Variants in RIPOR1 observed in about 807,000 individuals in gnomAD.
The protein encoded by RIPOR1 is rho family-interacting cell polarization regulator 1.
Under a neutral mutation model 116.5 loss-of-function variants are expected in RIPOR1, and 58 were observed. That is an observed-to-expected ratio of 0.50 (90% CI 0.40 to 0.62). The LOEUF (loss-of-function observed/expected upper bound fraction) is 0.62. RIPOR1 is among the 20% of genes least tolerant of loss of function. The probability of loss-of-function intolerance (pLI) is 0.00; values close to 1 mark genes in which losing one functional copy is unlikely to be tolerated. For synonymous variants in RIPOR1, 605 were observed against 650.0 expected (o/e 0.93, Z 1.05); for missense variants, 1,372 against 1,586.2 (o/e 0.86, Z 2.29).
At chr16:67,532,248 T>C (rs2050681135) in intron 1 of RIPOR1, among the ~76,000 whole-genome samples, 1 of 151,954 alleles carries the variant, frequency 6.6e-6, no homozygotes, top group Non-Finnish European at 1.5e-5. Flanking sequence ...GTGTTCACAG[T>C]TAGATGTTAG....
upstream of RIPOR1, chr16:67,528,732 G>C (rs1444188024): frequency 6.6e-6 from 1 of 151,928 alleles, no homozygotes; most frequent in Non-Finnish European, 1.5e-5. Context: ...GGCGCCTCTA[G>C]GGGTGCGGGA....
Position 67,539,125 on chromosome 16 carries a change from G to C in RIPOR1, c.336+57G>C. ...CTCTTTGGTGTGGAGGGCTGGGCAAGGGCAGCCCTGGGTGATATCTGGGCT... is the reference window on the plus strand; with the variant it reads ...CTCTTTGGTGTGGAGGGCTGGGCAACGGCAGCCCTGGGTGATATCTGGGCT... On this transcript the variant is annotated intron_variant, in intron 4 of 21. Coordinates refer to ENST00000042381, the MANE Select transcript of RIPOR1 (RefSeq NM_024519.4). 3 of 1,434,862 alleles carry C rather than the reference G, an allele frequency of 2.1e-6. No individual in the cohort carries two copies. In the South Asian group the frequency reaches 3.6e-5, roughly 17 times the overall value. 88.9% of individuals were successfully genotyped at this position (1,434,862 alleles called of 1,614,324 possible).
Position 67,539,084 on chromosome 16 carries a change from T to A in RIPOR1, c.336+16T>A, listed in dbSNP as rs1016396863. The A allele has an allele frequency of 6.2e-7, 1 of 1,608,320 alleles. No individual in the cohort carries two copies. The highest frequency in any genetic ancestry group is 8.5e-7 in the Non-Finnish European group (1 of 1,177,668). On this transcript the variant is annotated intron_variant, in intron 4 of 21. Transcript: ENST00000042381. ...TTCCCGCTTGGTGAGTGGCGGGAGG[T>A]ACGGATGCCCTTTGCCTCTTTGGTG...
rs958914124 is a variant in RIPOR1 at position 67,541,050 on chromosome 16, A to G, written c.801+346A>G. On this transcript the variant is annotated intron_variant, in intron 10 of 21. Transcript: ENST00000042381. This position sits in a 1 kb window ranked among gnomAD's most constrained non-coding sequence, Gnocchi z 4.6. ...GGCTGCTTCAAGCATCCATGGCTCC[A>G]TGAGCATGCATGTGTCTGTCTATCT... 2.0e-5 allele frequency among the ~76,000 whole-genome samples: 3 copies of G among 151,726 alleles called. No individual in the cohort carries two copies. The highest frequency in any genetic ancestry group is 7.3e-5 in the African/African-American group (3 of 41,294).
chr16:67,533,288 A>G (rs1467416180), intron 1 of RIPOR1, among the ~76,000 whole-genome samples: 1 of 152,178 alleles, frequency 6.6e-6, no homozygotes, highest in Non-Finnish European at 1.5e-5. Flanking sequence ...GCAAGCAGGC[A>G]GTTGGATACA....
chr16:67,536,688 C>G (rs918410309), intron 1 of RIPOR1, among the ~76,000 whole-genome samples: 4 of 152,058 alleles, frequency 2.6e-5, no homozygotes, highest in Non-Finnish European at 1.5e-5. Context: ...CATCCAGTTC[C>G]TTCTCTGCAT....
chr16:67,529,442 A>T lies in RIPOR1; in HGVS notation c.-24+528A>T. On this transcript the variant is annotated intron_variant, in intron 1 of 21. Transcript: ENST00000042381. This position sits in a 1 kb window ranked among gnomAD's most constrained non-coding sequence, Gnocchi z 4.1. ...GGCTGGAGCCGGGCTCTCCGCCCAA[A>T]CCTGGCGTAGCCGAAGCCGGAGAGG... is the stretch of plus-strand genomic sequence containing the variant. 3.7e-6 allele frequency: 1 copy of T among 267,440 alleles called. No homozygotes were observed. The highest frequency in any genetic ancestry group is 7.2e-6 in the Non-Finnish European group (1 of 139,738). 16.6% of individuals were successfully genotyped at this position (267,440 alleles called of 1,614,324 possible).
At position 67,543,793 on chromosome 16, in the gene RIPOR1, T is replaced by C. The variant is rs915782055; in HGVS notation, c.2600+324T>C. 3 of 445,472 alleles carry C rather than the reference T, an allele frequency of 6.7e-6. No homozygotes were observed. Among genetic ancestry groups the C allele is most frequent in the Non-Finnish European group, 1.2e-5 (3 of 240,802 alleles). The allele number at this position is 445,472 out of a possible 1,614,324, so 27.6% of individuals were successfully genotyped here. ...CCTCCTCTTCCCCTTGGCCTCACCT[T>C]GGACCTGCCCTTTAAGGAGCTCTCT... On this transcript the variant is annotated intron_variant, in intron 14 of 21. Coordinates refer to ENST00000042381, the MANE Select transcript of RIPOR1 (RefSeq NM_024519.4). This position sits in a 1 kb window ranked among gnomAD's most constrained non-coding sequence, Gnocchi z 4.7.
At chr16:67,522,059 C>T (rs572028975) in intron 1 of RIPOR1, among the ~76,000 whole-genome samples, 135 of 151,992 alleles carry the variant, frequency 8.9e-4, no homozygotes, top group African/African-American at 3.1e-3. Flanking sequence ...GACAGAGTCT[C>T]GCTCTGTCGC....
At position 67,530,909 on chromosome 16, in the gene RIPOR1, C is replaced by T. The variant is rs943418804; in HGVS notation, c.-24+1995C>T. On this transcript the variant is annotated intron_variant, in intron 1 of 21. Transcript: ENST00000042381. This position sits in a 1 kb window ranked among gnomAD's most constrained non-coding sequence, Gnocchi z 4.5. ...CCCTTCTGCCTTAGCTCAAGGGGTT[C>T]AGCTCTTTCCCTACCTGCTCTCACC... 2.6e-5 allele frequency among the ~76,000 whole-genome samples: 4 copies of T among 151,754 alleles called. No homozygotes were observed. Among genetic ancestry groups the T allele is most frequent in the African/African-American group, 7.3e-5 (3 of 41,294 alleles).
At chr16:67,538,969 T>G (rs770201656) in intron 3 of RIPOR1, 21 bp from the exon 4 acceptor site, 1 of 1,613,504 alleles carries the variant, frequency 6.2e-7, no homozygotes, top group South Asian at 1.1e-5. Flanking sequence ...AGTTCATTCT[T>G]GTGGTCGCCC....
chr16:67,529,163 C>T lies in RIPOR1; in HGVS notation c.-24+249C>T, dbSNP rs960283743. Reference sequence around the variant, plus strand: ...GCCTGGCGCTGCTGCCTTCCTCCCACGGCAAGGCCCTGGCGGCCGGTGCCC... The same window carrying T: ...GCCTGGCGCTGCTGCCTTCCTCCCATGGCAAGGCCCTGGCGGCCGGTGCCC... On this transcript the variant is annotated intron_variant, in intron 1 of 21. Coordinates refer to ENST00000042381, the MANE Select transcript of RIPOR1 (RefSeq NM_024519.4). This position sits in a 1 kb window ranked among gnomAD's most constrained non-coding sequence, Gnocchi z 4.1. Among the ~76,000 whole-genome samples the T allele has an allele frequency of 6.6e-6, 1 of 152,216 alleles. No individual in the cohort carries two copies. Among genetic ancestry groups the T allele is most frequent in the Non-Finnish European group, 1.5e-5 (1 of 68,014 alleles).
chr16:67,542,068 G>T lies in RIPOR1; in HGVS notation c.1282G>T (p.Asp428Tyr). 1 of 1,606,156 alleles carries T rather than the reference G, an allele frequency of 6.2e-7. No homozygotes were observed. Among genetic ancestry groups the T allele is most frequent in the Middle Eastern group, 1.7e-4 (1 of 6,026 alleles). The stretch of plus-strand genomic sequence containing the variant: ...TGAGACCCCCAGCTCTGGGCCCTTG[G>T]ATGAGGAGGGGGCCGTGGCCCCAGT... ...RPETPSSGPLDEEGAVAPVLA... is the reference protein window; with the variant it reads ...RPETPSSGPLYEEGAVAPVLA... The change falls in exon 13 of 22, where the codon GAT becomes TAT. Residue 428 changes from aspartate (D) to tyrosine (Y), a missense_variant. This residue lies in a region of RIPOR1 where 1,005 missense variants were observed against 1,144.7 expected (regional missense o/e 0.88). Transcript: ENST00000042381. This position sits in a 1 kb window ranked among gnomAD's most constrained non-coding sequence, Gnocchi z 4.6.
rs2142497093 is a variant in RIPOR1 at position 67,537,258 on chromosome 16, C to T, written c.-23-1166C>T. Among the ~76,000 whole-genome samples the T allele has an allele frequency of 6.6e-6, 1 of 152,354 alleles. No individual in the cohort carries two copies. The highest frequency in any genetic ancestry group is 2.4e-5 in the African/African-American group (1 of 41,582). On this transcript the variant is annotated intron_variant, in intron 1 of 21. Transcript: ENST00000042381. The surrounding 1 kb of genome is among the most constrained non-coding windows in gnomAD (Gnocchi z 4.6). ...CCCCTACTCTAATGTCTGATACTTC[C>T]TCCACTTAGCGTCTCCATTCTATCC... is the stretch of plus-strand genomic sequence containing the variant.
Position 67,542,422 on chromosome 16 carries a change from C to T in RIPOR1, c.1636C>T (p.His546Tyr), listed in dbSNP as rs2051015887. Reference protein sequence around the residue: ...SGPSELPGPTHTTTGSTYSAI... With the variant: ...SGPSELPGPTYTTTGSTYSAI... The stretch of plus-strand genomic sequence containing the variant: ...CCCTTCAGAACTGCCAGGCCCCACT[C>T]ACACCACTACAGGCTCTACCTATAG... The change falls in exon 13 of 22, where the codon CAC (histidine) becomes TAC (tyrosine). Residue 546 changes from histidine (H) to tyrosine (Y), a missense_variant. Physicochemically the swap from His to Tyr is moderately conservative, Grantham distance 83 (BLOSUM62 2). Coordinates refer to ENST00000042381, the MANE Select transcript of RIPOR1 (RefSeq NM_024519.4). This position sits in a 1 kb window ranked among gnomAD's most constrained non-coding sequence, Gnocchi z 4.6. 6.2e-7 allele frequency: 1 copy of T among 1,613,832 alleles called. No homozygotes were observed. The highest frequency in any genetic ancestry group is 8.5e-7 in the Non-Finnish European group (1 of 1,179,940).
At position 67,546,044 on chromosome 16, in the gene RIPOR1, C is replaced by G. The variant is rs1440897353; in HGVS notation, c.3471+12C>G. ...TAGGCTGCATCAAGGTGACCCCTGCCAACCCTCCCACCCCTCTGTCCGCTT... is the reference window on the plus strand; with the variant it reads ...TAGGCTGCATCAAGGTGACCCCTGCGAACCCTCCCACCCCTCTGTCCGCTT... On this transcript the variant is annotated intron_variant, in intron 20 of 21. Transcript: ENST00000042381. 6.2e-7 allele frequency: 1 copy of G among 1,612,252 alleles called. No homozygotes were observed. The highest frequency in any genetic ancestry group is 8.5e-7 in the Non-Finnish European group (1 of 1,179,644).
rs1367553319 is a variant in RIPOR1, at chr16:67,544,089, T to C, written c.2601-210T>C. ...CCAGTGGTCCCAGCTGGAGGTAGCA[T>C]GGCGCAGACTGACTCCAGAGATCCC... On this transcript the variant is annotated intron_variant, in intron 14 of 21. Coordinates refer to ENST00000042381, the MANE Select transcript of RIPOR1 (RefSeq NM_024519.4). The surrounding 1 kb of genome is among the most constrained non-coding windows in gnomAD (Gnocchi z 5.1). 6.6e-6 allele frequency among the ~76,000 whole-genome samples: 1 copy of C among 152,142 alleles called. No individual in the cohort carries two copies. Among genetic ancestry groups the C allele is most frequent in the East Asian group, 1.9e-4 (1 of 5,184 alleles).
chr16:67,546,073 G>T (rs753380624), intron 20 of RIPOR1, 41 bp downstream of exon 20: 1 of 1,606,798 alleles, frequency 6.2e-7, no homozygotes, highest in Non-Finnish European at 8.5e-7. Flanking sequence ...TCCGCTTCCG[G>T]CACCCCCACC....
Position 67,546,153 on chromosome 16 carries a change from A to G in RIPOR1, c.3484A>G (p.Ile1162Val). ...ALGCIKAPEG[I>V]EPLVYLCQTD... is the part of the protein sequence containing the mutation. ...CCTCCCCTGACAGGCTCCCGAGGGC[A>G]TTGAGCCCCTGGTGTACCTCTGCCA... The change falls in exon 21 of 22, where the codon ATT (isoleucine) becomes GTT (valine). Residue 1162 changes from isoleucine (I) to valine (V), a missense_variant. Physicochemically the swap from Ile to Val is conservative, Grantham distance 29. Coordinates refer to ENST00000042381, the MANE Select transcript of RIPOR1 (RefSeq NM_024519.4). The G allele has an allele frequency of 6.3e-7, 1 of 1,585,774 alleles. No individual in the cohort carries two copies. The highest frequency in any genetic ancestry group is 8.6e-7 in the Non-Finnish European group (1 of 1,163,536).
Sources: allele counts gnomAD v4.1 joint callset (sites outside exome capture counted in the v4.1 genomes callset), GRCh38; gene constraint gnomAD v4.1.1; regional missense constraint gnomAD v4.1.1; non-coding constraint Gnocchi (gnomAD v3.1); transcripts MANE v1.5; gene names NCBI Gene and HGNC (gene_info 2026-07-23, HGNC 2026-07-21).